CNTNAP2: variants seen among roughly 807,000 people sequenced by gnomAD.
The protein encoded by CNTNAP2 is contactin associated protein 2.
CNTNAP2 carries 98 observed loss-of-function variants against 155.2 expected under a neutral mutation model. The ratio of observed to expected loss-of-function variants is 0.63; its 90% CI spans 0.54 to 0.75. The LOEUF (loss-of-function observed/expected upper bound fraction) is 0.75. CNTNAP2 is among the 30% of genes least tolerant of loss of function. CNTNAP2 has a pLI of 0.00. For synonymous variants in CNTNAP2, 651 were observed against 631.2 expected, an observed-to-expected ratio of 1.03 and a Z score of -0.47; for missense variants, 1,727 against 1,688.1, an observed-to-expected ratio of 1.02 and a Z score of -0.40.
intron 21 of CNTNAP2, among the ~76,000 whole-genome samples, chr7:148,311,259 G>A (rs1018502415): frequency 6.6e-6 from 1 of 152,132 alleles, no homozygotes; most frequent in African/African-American, 2.4e-5. Context: ...AAGTCTGGAG[G>A]TGTAGGGAGA....
At chr7:146,178,812 A>G (rs569829561) in intron 1 of CNTNAP2, among the ~76,000 whole-genome samples, 9 of 152,312 alleles carry the variant, frequency 5.9e-5, no homozygotes, top group Non-Finnish European at 1.3e-4. Context: ...TCTTATCATC[A>G]TACAGTTGGG....
chr7:147,206,819 T>C (rs1803033082), intron 8 of CNTNAP2, among the ~76,000 whole-genome samples: 1 of 152,172 alleles, frequency 6.6e-6, no homozygotes, highest in African/African-American at 2.4e-5. Context: ...TTTATGACTA[T>C]TTATTTTGCT....
chr7:146,496,319 A>T (rs1002915243), intron 1 of CNTNAP2, among the ~76,000 whole-genome samples: 1 of 152,214 alleles, frequency 6.6e-6, no homozygotes, highest in Non-Finnish European at 1.5e-5. Flanking sequence ...AGTTAGAAAC[A>T]TAAGAAGCCC....
chr7:147,887,356 AGCTACTCAGGAG>A (rs1799619398), intron 13 of CNTNAP2, among the ~76,000 whole-genome samples: 1 of 152,180 alleles, frequency 6.6e-6, no homozygotes, highest in African/African-American at 2.4e-5. Flanking sequence ...CTGTTATCCC[AGCTACTCAGGAG>A]GCTGATGCAG....
intron 1 of CNTNAP2, among the ~76,000 whole-genome samples, chr7:146,413,916 T>G (rs1337343414): frequency 6.6e-6 from 1 of 152,220 alleles, no homozygotes; most frequent in African/African-American, 2.4e-5. Context: ...TCAGCATTAG[T>G]GGAAGAATTA....
intron 13 of CNTNAP2, among the ~76,000 whole-genome samples, chr7:147,895,474 A>G (rs1298321825): frequency 6.6e-6 from 1 of 152,206 alleles, no homozygotes; most frequent in Non-Finnish European, 1.5e-5. Flanking sequence ...CCTTACTTTG[A>G]TAATTTAGCT....
At chr7:148,172,526 C>G (rs923686407) in intron 18 of CNTNAP2, 48 bp downstream of exon 18, 44 of 1,438,448 alleles carry the variant, frequency 3.1e-5, no homozygotes, top group Non-Finnish European at 4.3e-5. Flanking sequence ...TCTTTTTAAG[C>G]CCAAATCATC....
chr7:147,133,373 T>G (rs1330555064), intron 8 of CNTNAP2, among the ~76,000 whole-genome samples: 3 of 152,054 alleles, frequency 2.0e-5, no homozygotes, highest in African/African-American at 7.2e-5. Context: ...TACTGAACAC[T>G]TAGTACAGAT....
intron 1 of CNTNAP2, among the ~76,000 whole-genome samples, chr7:146,130,681 C>T (rs1276130833): frequency 1.3e-5 from 2 of 152,114 alleles, no homozygotes; most frequent in Non-Finnish European, 2.9e-5. Flanking sequence ...TTTGTTTTCA[C>T]ACTGCTATAA....
intron 1 of CNTNAP2, among the ~76,000 whole-genome samples, chr7:146,330,843 T>C (rs1305727219): frequency 6.6e-6 from 1 of 152,214 alleles, no homozygotes; most frequent in East Asian, 1.9e-4. Context: ...ATATATTACA[T>C]GTCCGGGCCA....
chr7:146,299,998 T>C (rs1800579513), intron 1 of CNTNAP2, among the ~76,000 whole-genome samples: 2 of 152,182 alleles, frequency 1.3e-5, no homozygotes, highest in African/African-American at 4.8e-5. Flanking sequence ...TAATATAAGC[T>C]GGTCGTTTAG....
chr7:147,040,119 A>G (rs1584798950), intron 3 of CNTNAP2, among the ~76,000 whole-genome samples: 1 of 152,176 alleles, frequency 6.6e-6, no homozygotes, highest in Non-Finnish European at 1.5e-5. Context: ...GAGTAAAACA[A>G]CCCTGCTAAA....
chr7:147,901,793 C>T (rs541662813), intron 13 of CNTNAP2, among the ~76,000 whole-genome samples: 30 of 152,184 alleles, frequency 2.0e-4, no homozygotes, highest in African/African-American at 7.2e-4. Flanking sequence ...TCTTTTTCTT[C>T]CATTCTGTTG....
intron 15 of CNTNAP2, among the ~76,000 whole-genome samples, chr7:148,101,049 C>T (rs1432975139): frequency 2.0e-5 from 3 of 148,762 alleles, no homozygotes; most frequent in African/African-American, 7.4e-5. Context: ...CAAACACCAC[C>T]GCATGTTCTC....
intron 22 of CNTNAP2, among the ~76,000 whole-genome samples, chr7:148,388,093 C>T (rs1323331189): frequency 2.0e-5 from 3 of 152,198 alleles, no homozygotes; most frequent in Non-Finnish European, 4.4e-5. Flanking sequence ...AAATGGGCAA[C>T]CAGCAGCCCT....
At chr7:148,364,810 CT>C in intron 21 of CNTNAP2, among the ~76,000 whole-genome samples, 2 of 152,328 alleles carry the variant, frequency 1.3e-5, no homozygotes, top group African/African-American at 4.8e-5. Context: ...TGGCAACCCG[CT>C]CGGGTCCTCT....
intron 1 of CNTNAP2, among the ~76,000 whole-genome samples, chr7:146,352,900 A>T (rs376397927): frequency 7.9e-5 from 12 of 151,068 alleles, no homozygotes; most frequent in African/African-American, 2.7e-4. Flanking sequence ...GACTACAGGC[A>T]CCCGCCACCA....
At chr7:147,514,543 A>G (rs989636716) in intron 11 of CNTNAP2, among the ~76,000 whole-genome samples, 3 of 152,036 alleles carry the variant, frequency 2.0e-5, no homozygotes, top group Admixed American at 6.6e-5. Flanking sequence ...CACATGCCCA[A>G]GGGAATGAAG....
intron 1 of CNTNAP2, among the ~76,000 whole-genome samples, chr7:146,122,474 C>T (rs1584759597): frequency 6.6e-6 from 1 of 152,300 alleles, no homozygotes; most frequent in Middle Eastern, 3.4e-3. Flanking sequence ...CTGAGATTGA[C>T]TGTACTCAGT....
Sources: gnomAD v4.1 joint callset for allele counts (sites outside exome capture counted in the v4.1 genomes callset) on GRCh38, gnomAD v4.1.1 for gene constraint, MANE v1.5 for transcripts, NCBI Gene and HGNC (gene_info 2026-07-23, HGNC 2026-07-21) for gene names.